MCC: variants seen among roughly 807,000 people sequenced by gnomAD.
MCC encodes colorectal mutant cancer protein.
Under a neutral mutation model 116.2 loss-of-function variants are expected in MCC, and 90 were observed. That is an observed-to-expected ratio of 0.77 (90% CI 0.65 to 0.92). The LOEUF is 0.92. MCC is among the 40% of genes least tolerant of loss of function. MCC has a pLI of 0.00. For missense variants in MCC, 1,516 were observed against 1,312.2 expected, an observed-to-expected ratio of 1.16 and a Z score of -2.40; for synonymous variants, 578 against 510.5, an observed-to-expected ratio of 1.13 and a Z score of -1.78.
At chr5:113,053,682 C>T in intron 15 of MCC, 43 bp downstream of exon 15, 2 of 1,447,216 alleles carry the variant, frequency 1.4e-6, no homozygotes, top group Non-Finnish European at 1.9e-6. Flanking sequence ...TTTAGATTTC[C>T]TCCTGGTGGC....
intron 3 of MCC, 53 bp downstream of exon 3, chr5:113,340,466 A>G (rs915995456): frequency 2.8e-6 from 4 of 1,447,700 alleles, no homozygotes; most frequent in South Asian, 1.1e-5. Context: ...AAATATTTGT[A>G]TTGGAATACA....
chr5:113,469,208 T>A (rs1402260730), intron 1 of MCC, among the ~76,000 whole-genome samples: 1 of 152,230 alleles, frequency 6.6e-6, no homozygotes, highest in Non-Finnish European at 1.5e-5. Flanking sequence ...TCTTAGTTAT[T>A]TCTTGCCTTA....
At chr5:113,233,459 T>C (rs749237570) in intron 3 of MCC, among the ~76,000 whole-genome samples, 5 of 152,210 alleles carry the variant, frequency 3.3e-5, no homozygotes, top group South Asian at 2.1e-4. Context: ...AACACAAATA[T>C]GAATGCAATG....
At chr5:113,404,404 G>A (rs969049531) in intron 1 of MCC, among the ~76,000 whole-genome samples, 11 of 152,114 alleles carry the variant, frequency 7.2e-5, no homozygotes, top group African/African-American at 2.4e-4. Flanking sequence ...ATGAGTCCTG[G>A]TCACAGACAG....
At chr5:113,194,359 C>G (rs956189014) in intron 3 of MCC, among the ~76,000 whole-genome samples, 15 of 152,162 alleles carry the variant, frequency 9.9e-5, no homozygotes, top group African/African-American at 3.6e-4. Flanking sequence ...AAAACAACAA[C>G]TTGACACTAC....
chr5:113,103,571 T>C (rs1255810656), intron 7 of MCC, among the ~76,000 whole-genome samples: 3 of 152,244 alleles, frequency 2.0e-5, no homozygotes, highest in Admixed American at 6.5e-5. Context: ...ACAGTTCTTT[T>C]GTGCAATCCA....
chr5:113,233,300 A>G (rs1764005616), intron 3 of MCC, among the ~76,000 whole-genome samples: 1 of 152,232 alleles, frequency 6.6e-6, no homozygotes, highest in Non-Finnish European at 1.5e-5. Context: ...AAGGGCGGAA[A>G]GTTGCCAAAA....
chr5:113,294,934 G>A (rs777578263), intron 3 of MCC: 66 of 985,426 alleles, frequency 6.7e-5, no homozygotes, highest in Non-Finnish European at 7.6e-5. Flanking sequence ...ATCGTCTGGA[G>A]TTGTAAGTGG....
At chr5:113,298,637 G>C (rs1766770456) in intron 3 of MCC, among the ~76,000 whole-genome samples, 1 of 152,128 alleles carries the variant, frequency 6.6e-6, no homozygotes. Flanking sequence ...GGGAGAAAAG[G>C]GGAGCAGGTG....
At chr5:113,185,163 C>T (rs530401134) in intron 3 of MCC, among the ~76,000 whole-genome samples, 1 of 152,240 alleles carries the variant, frequency 6.6e-6, no homozygotes, top group South Asian at 2.1e-4. Context: ...TTGAATTCAT[C>T]CAACTTTGGA....
intron 1 of MCC, among the ~76,000 whole-genome samples, chr5:113,454,095 G>C (rs1250043112): frequency 6.6e-6 from 1 of 151,992 alleles, no homozygotes; most frequent in African/African-American, 2.4e-5. Flanking sequence ...TGGGCAACAA[G>C]AGCGAAACTC....
intron 3 of MCC, among the ~76,000 whole-genome samples, chr5:113,190,817 A>T (rs1418174081): frequency 6.6e-6 from 1 of 152,154 alleles, no homozygotes; most frequent in Non-Finnish European, 1.5e-5. Flanking sequence ...GGAACAAGGG[A>T]TTGTCTAAAT....
chr5:113,419,562 C>A (rs1041004967), intron 1 of MCC, among the ~76,000 whole-genome samples: 48 of 151,982 alleles, frequency 3.2e-4, no homozygotes, highest in Non-Finnish European at 3.2e-4. Flanking sequence ...ATATTAAAAA[C>A]CACTGAATTG....
intron 3 of MCC, among the ~76,000 whole-genome samples, chr5:113,257,684 G>A (rs184029443): frequency 3.3e-5 from 5 of 152,260 alleles, no homozygotes; most frequent in Non-Finnish European, 5.9e-5. Flanking sequence ...CTAGGGCCGC[G>A]AGTGCACAAA....
chr5:113,443,128 T>C (rs1771093949), intron 1 of MCC, among the ~76,000 whole-genome samples: 1 of 152,000 alleles, frequency 6.6e-6, no homozygotes, highest in Non-Finnish European at 1.5e-5. Flanking sequence ...TTCCTATCCA[T>C]GAGCATAGAA....
chr5:113,340,921 A>G (rs1157125167), intron 2 of MCC, among the ~76,000 whole-genome samples, 191 bp from the exon 3 acceptor site: 1 of 152,152 alleles, frequency 6.6e-6, no homozygotes, highest in East Asian at 1.9e-4. Flanking sequence ...GATAAAAGCA[A>G]TTTCAGGCAA....
chr5:113,089,551 T>C (rs1755449603), intron 8 of MCC, among the ~76,000 whole-genome samples: 1 of 152,156 alleles, frequency 6.6e-6, no homozygotes, highest in Non-Finnish European at 1.5e-5. Flanking sequence ...GATGGCAAAA[T>C]ACACTCTAGA....
intron 1 of MCC, among the ~76,000 whole-genome samples, chr5:113,464,587 T>A (rs958348965): frequency 7.1e-6 from 1 of 141,124 alleles, no homozygotes; most frequent in African/African-American, 2.7e-5. Context: ...TGGTATTTCT[T>A]ACTCTCTAAC....
chr5:113,444,403 A>G (rs1771146044), intron 1 of MCC, among the ~76,000 whole-genome samples: 1 of 152,200 alleles, frequency 6.6e-6, no homozygotes, highest in African/African-American at 2.4e-5. Flanking sequence ...TAGGTTCTAA[A>G]TGGATCCTCC....
Sources: allele counts gnomAD v4.1 joint callset (sites outside exome capture counted in the v4.1 genomes callset), GRCh38; gene constraint gnomAD v4.1.1; transcripts MANE v1.5; gene names NCBI Gene and HGNC (gene_info 2026-07-23, HGNC 2026-07-21).